Variants in SLC5A1 observed in about 807,000 individuals in gnomAD.
The protein encoded by SLC5A1 is solute carrier family 5 member 1.
Under a neutral mutation model 73.5 loss-of-function variants are expected in SLC5A1, and 42 were observed. The ratio of observed to expected loss-of-function variants is 0.57; its 90% CI spans 0.45 to 0.74. SLC5A1 has a LOEUF of 0.74. SLC5A1 is among the 30% of genes least tolerant of loss of function. The pLI, the probability that SLC5A1 is intolerant of heterozygous loss-of-function variation, is 0.00. For synonymous variants in SLC5A1, 300 were observed against 317.4 expected, an observed-to-expected ratio of 0.95 and a Z score of 0.58; for missense variants, 634 against 855.4, an observed-to-expected ratio of 0.74 and a Z score of 3.23.
intron 2 of SLC5A1, among the ~76,000 whole-genome samples, chr22:32,055,255 TA>T (rs2093950135): frequency 6.6e-6 from 1 of 152,038 alleles, no homozygotes; most frequent in East Asian, 1.9e-4. Context: ...GTTGGCCGAG[TA>T]AATAGAGACT....
In SLC5A1 at chr22:32,104,882, A is replaced by C; in HGVS notation, c.1762A>C (p.Ile588Leu). ...CATCCAAGAAGGCCCTAAGGAGACC[A>C]TTGAAATAGGTGACTTATGACCCAG... ...ENIQEGPKET[I>L]EIETQVPEKK... Residue 588 changes from isoleucine to leucine, a missense_variant, in exon 14 of 15, where the codon ATT becomes CTT. Physicochemically the swap from Ile to Leu is conservative, Grantham distance 5. Coordinates refer to ENST00000266088, the MANE Select transcript of SLC5A1 (RefSeq NM_000343.4). 1 of 1,610,872 alleles carries C rather than the reference A, an allele frequency of 6.2e-7. No homozygotes were observed. The highest frequency in any genetic ancestry group is 8.5e-7 in the Non-Finnish European group (1 of 1,177,006).
At position 32,081,877 on chromosome 22, in the gene SLC5A1, C is replaced by G; in HGVS notation, c.489C>G (p.Phe163Leu). The G allele has an allele frequency of 6.2e-7, 1 of 1,612,770 alleles. No individual in the cohort carries two copies. Among genetic ancestry groups the G allele is most frequent in the Non-Finnish European group, 8.5e-7 (1 of 1,179,126 alleles). The change falls in exon 6 of 15, where the codon TTC becomes TTG. Residue 163 changes from phenylalanine to leucine, a missense_variant. Around this residue, in one of 3 missense-constraint regions of SLC5A1, gnomAD observed 422 missense variants for 626.1 expected, o/e 0.67. Transcript: ENST00000266088. ...TCCTCTCCTTCCAGGCAGACATCTT[C>G]TCGGGGGCCATATTCATCAATCTGG... ...YIFTKISADI[F>L]SGAIFINLAL...
chr22:32,086,099 C>A (rs1043712376), intron 9 of SLC5A1, 121 bp from the exon 10 acceptor site: 29 of 703,654 alleles, frequency 4.1e-5, no homozygotes, highest in Non-Finnish European at 6.1e-5. Flanking sequence ...CGAGATCGTG[C>A]CACTGCACTC....
chr22:32,099,429 G>A (rs567687603), intron 12 of SLC5A1, 78 bp downstream of exon 12: 3 of 1,321,364 alleles, frequency 2.3e-6, no homozygotes, highest in South Asian at 2.3e-5. Flanking sequence ...TTCTCTGTGG[G>A]AGGGATTCTA....
intron 12 of SLC5A1, 30 bp from the exon 13 acceptor site, chr22:32,101,992 C>A (rs1398757744): frequency 6.5e-7 from 1 of 1,536,490 alleles, no homozygotes; most frequent in Non-Finnish European, 9.0e-7. Flanking sequence ...GTGTGTTCAG[C>A]ATGAGTTAAC....
intron 10 of SLC5A1, among the ~76,000 whole-genome samples, chr22:32,090,354 C>T (rs1320292853): frequency 6.6e-6 from 1 of 152,142 alleles, no homozygotes; most frequent in East Asian, 1.9e-4. Flanking sequence ...TTTCTGTATT[C>T]CTAGATTTGC....
intron 10 of SLC5A1, among the ~76,000 whole-genome samples, chr22:32,089,230 C>A (rs1451226822): frequency 6.6e-6 from 1 of 152,148 alleles, no homozygotes; most frequent in African/African-American, 2.4e-5. Context: ...ATCTTTATAA[C>A]TTCTATATCT....
chr22:32,100,031 CT>C (rs1329041468), intron 12 of SLC5A1, among the ~76,000 whole-genome samples: 1 of 152,178 alleles, frequency 6.6e-6, no homozygotes, highest in African/African-American at 2.4e-5. Flanking sequence ...CCAGCTGGAG[CT>C]GGAAGAATTT....
At position 32,097,681 on chromosome 22, in the gene SLC5A1, CAA is replaced by C. The variant is rs1018376269; in HGVS notation, c.1281-1501_1281-1500del. Among the ~76,000 whole-genome samples, 9 of 152,074 alleles carry C rather than the reference CAA, an allele frequency of 5.9e-5. No homozygotes were observed. In the South Asian group the frequency reaches 8.3e-4, roughly 14 times the overall value. On this transcript the variant is annotated intron_variant, in intron 11 of 14. Coordinates refer to ENST00000266088, the MANE Select transcript of SLC5A1 (RefSeq NM_000343.4). ...GGGAAGAAGGAGGAGAAGAAGAAAA[CAA>C]TAATAATAGTTTTTACTATTTATTA...
intron 2 of SLC5A1, among the ~76,000 whole-genome samples, chr22:32,052,178 C>G (rs574159348): frequency 6.6e-6 from 1 of 152,292 alleles, no homozygotes; most frequent in East Asian, 1.9e-4. Context: ...AGGTCTCTTT[C>G]TCCTTGTCTT....
intron 2 of SLC5A1, among the ~76,000 whole-genome samples, chr22:32,062,656 G>A (rs866871698): frequency 2.0e-5 from 3 of 152,178 alleles, no homozygotes; most frequent in South Asian, 2.1e-4. Flanking sequence ...AGAGAAGGAC[G>A]TGATGATTGA....
In SLC5A1 at chr22:32,083,054, T is replaced by C; in HGVS notation, c.584-20T>C. 1 of 1,612,318 alleles carries C rather than the reference T, an allele frequency of 6.2e-7. No homozygotes were observed. Among genetic ancestry groups the C allele is most frequent in the Non-Finnish European group, 8.5e-7 (1 of 1,178,372 alleles). On this transcript the variant is annotated intron_variant, in intron 6 of 14. Coordinates refer to ENST00000266088, the MANE Select transcript of SLC5A1 (RefSeq NM_000343.4). ...CACCCTCCACACGAGGTCAGATGTG[T>C]TGTCTTCTTGCCTGCTTAGGGGGCC...
chr22:32,085,695 T>G (rs1190580951), intron 9 of SLC5A1, among the ~76,000 whole-genome samples: 1 of 152,144 alleles, frequency 6.6e-6, no homozygotes, highest in Admixed American at 6.5e-5. Context: ...CTCCGTTGCC[T>G]AGAAATTGTC....
At chr22:32,109,823 G>A (rs1006091237) in intron 14 of SLC5A1, among the ~76,000 whole-genome samples, 167 bp from the exon 15 acceptor site, 8 of 152,104 alleles carry the variant, frequency 5.3e-5, no homozygotes, top group African/African-American at 1.7e-4. Flanking sequence ...ATTTTCTACC[G>A]TTTTCATTCC....
At chr22:32,105,677 ATTCT>A (rs1286228293) in intron 14 of SLC5A1, among the ~76,000 whole-genome samples, 1 of 152,150 alleles carries the variant, frequency 6.6e-6, no homozygotes, top group East Asian at 1.9e-4. Flanking sequence ...TAGGTTAGTC[ATTCT>A]TTCTATTTTT....
chr22:32,091,577 C>G, intron 10 of SLC5A1, 35 bp from the exon 11 acceptor site: 1 of 1,612,778 alleles, frequency 6.2e-7, no homozygotes. Context: ...GCTGAAGGTG[C>G]TGTTATGTGC....
At chr22:32,099,773 T>C (rs2094033292) in intron 12 of SLC5A1, among the ~76,000 whole-genome samples, 1 of 152,176 alleles carries the variant, frequency 6.6e-6, no homozygotes, top group Non-Finnish European at 1.5e-5. Flanking sequence ...CTAGGCATTC[T>C]GTAGCCTCTA....
At chr22:32,072,311 A>T (rs1007079828) in intron 5 of SLC5A1, among the ~76,000 whole-genome samples, 10 of 152,086 alleles carry the variant, frequency 6.6e-5, no homozygotes, top group Non-Finnish European at 1.5e-4. Flanking sequence ...GAAAACATGC[A>T]GTATTTGGTT....
Position 32,043,293 on chromosome 22 carries a change from C to G in SLC5A1, c.12C>G (p.Ser4Arg), listed in dbSNP as rs1434997447. The change falls in exon 1 of 15, where the codon AGC (serine) becomes AGG (arginine). Residue 4 changes from serine (S) to arginine (R), a missense_variant. By Grantham distance (110) the Ser-to-Arg change is moderately radical. Coordinates refer to ENST00000266088, the MANE Select transcript of SLC5A1 (RefSeq NM_000343.4). This position sits in a 1 kb window ranked among gnomAD's most constrained non-coding sequence, Gnocchi z 6.5. MDS[S>R]TWSPKTTAVT... ...GCAACGCTGCCACCATGGACAGTAG[C>G]ACCTGGAGCCCCAAGACCACCGCGG... 6.2e-7 allele frequency: 1 copy of G among 1,614,010 alleles called. No individual in the cohort carries two copies. The highest frequency in any genetic ancestry group is 8.5e-7 in the Non-Finnish European group (1 of 1,180,016).
Sources: allele counts gnomAD v4.1 joint callset (sites outside exome capture counted in the v4.1 genomes callset), GRCh38; gene constraint gnomAD v4.1.1; regional missense constraint gnomAD v4.1.1; non-coding constraint Gnocchi (gnomAD v3.1); transcripts MANE v1.5; gene names NCBI Gene and HGNC (gene_info 2026-07-23, HGNC 2026-07-21).